SEMA4B: variants seen among roughly 807,000 people sequenced by gnomAD.
The protein encoded by SEMA4B is semaphorin-4B.
In SEMA4B, 55 loss-of-function variants were observed where a neutral mutation model predicts 88.1. The ratio of observed to expected loss-of-function variants is 0.62; its 90% CI spans 0.50 to 0.78. SEMA4B has a LOEUF of 0.78. Among genes scored for constraint, SEMA4B ranks in the 30% least tolerant of loss-of-function variants. SEMA4B has a pLI of 0.00. For missense variants in SEMA4B, 1,062 were observed against 1,111.9 expected, an observed-to-expected ratio of 0.96 and a Z score of 0.64; for synonymous variants, 525 against 473.6, an observed-to-expected ratio of 1.11 and a Z score of -1.41.
intron 4 of SEMA4B, 24 bp downstream of exon 4, chr15:90,219,915 G>GAGGAC: frequency 6.4e-7 from 1 of 1,561,050 alleles, no homozygotes; most frequent in Non-Finnish European, 8.8e-7. Context: ...CCTCAGCCCT[G>GAGGAC]AGGCTGACCT....
chr15:90,189,103 A>C (rs995690206), intron 1 of SEMA4B, among the ~76,000 whole-genome samples: 6 of 152,112 alleles, frequency 3.9e-5, no homozygotes, highest in African/African-American at 9.7e-5. Context: ...TATGTGTTGC[A>C]TGAATGAAAG....
intron 7 of SEMA4B, 106 bp from the exon 8 acceptor site, chr15:90,223,453 T>G (rs1286312036): frequency 2.0e-6 from 2 of 1,023,038 alleles, no homozygotes; most frequent in African/African-American, 1.6e-5. Flanking sequence ...TCTCCTGCCC[T>G]TCAGTCCTGG....
intron 1 of SEMA4B, among the ~76,000 whole-genome samples, chr15:90,187,698 G>A (rs900656202): frequency 6.6e-6 from 1 of 152,156 alleles, no homozygotes; most frequent in Non-Finnish European, 1.5e-5. Context: ...AAGCATAAGG[G>A]AGTGAAAGTG....
chr15:90,184,941 G>C (rs990953835), upstream of SEMA4B: 10 of 985,944 alleles, frequency 1.0e-5, no homozygotes, highest in African/African-American at 1.7e-4. Context: ...CGCCGCGCCG[G>C]ACTGAGGCTG....
intron 1 of SEMA4B, among the ~76,000 whole-genome samples, chr15:90,187,791 G>T (rs1470557203): frequency 6.6e-6 from 1 of 152,148 alleles, no homozygotes; most frequent in African/African-American, 2.4e-5. Context: ...CAGATCACGA[G>T]GTCAGGAGAT....
intron 4 of SEMA4B, 78 bp from the exon 5 acceptor site, chr15:90,220,904 C>A: frequency 1.1e-6 from 1 of 929,048 alleles, no homozygotes. Flanking sequence ...CCTTCTCCTG[C>A]ACGCCTCTCT....
At chr15:90,202,705 G>A (rs1419279285) in intron 1 of SEMA4B, among the ~76,000 whole-genome samples, 38 of 152,212 alleles carry the variant, frequency 2.5e-4, no homozygotes, top group Admixed American at 2.5e-3. Flanking sequence ...AAGTTTATAA[G>A]TGCCCAACAG....
chr15:90,221,900 A>T, intron 7 of SEMA4B, 135 bp downstream of exon 7: 1 of 699,602 alleles, frequency 1.4e-6, no homozygotes, highest in Non-Finnish European at 2.2e-6. Flanking sequence ...TTTCTCTCTC[A>T]CCTTTTAAAT....
At chr15:90,209,654 G>A (rs560474336) in intron 1 of SEMA4B, among the ~76,000 whole-genome samples, 4 of 152,240 alleles carry the variant, frequency 2.6e-5, no homozygotes, top group Middle Eastern at 3.4e-3. Context: ...TGTCACCAGT[G>A]CACTACAAGA....
chr15:90,227,493 G>A (rs1280105920), intron 12 of SEMA4B, 64 bp from the exon 13 acceptor site: 2 of 1,497,412 alleles, frequency 1.3e-6, no homozygotes, highest in Admixed American at 1.8e-5. Flanking sequence ...TCTGCAGTGA[G>A]GGGTGAGGGA....
intron 9 of SEMA4B, among the ~76,000 whole-genome samples, chr15:90,224,400 C>T (rs139409203): frequency 1.3e-5 from 2 of 152,294 alleles, no homozygotes; most frequent in African/African-American, 2.4e-5. Flanking sequence ...CAAGGATATA[C>T]GTGCCAAATA....
upstream of SEMA4B, among the ~76,000 whole-genome samples, chr15:90,199,094 G>C (rs1596123695): frequency 1.3e-5 from 2 of 152,220 alleles, no homozygotes; most frequent in South Asian, 4.2e-4. Flanking sequence ...GGCTGGTCTT[G>C]AACTCCTGAC....
intron 1 of SEMA4B, among the ~76,000 whole-genome samples, chr15:90,204,872 T>A (rs1039801406): frequency 6.6e-6 from 1 of 152,122 alleles, no homozygotes; most frequent in Non-Finnish European, 1.5e-5. Flanking sequence ...ACCTCCCAAG[T>A]TCAAGTGATT....
In SEMA4B at chr15:90,212,794, G is replaced by A. The variant is rs1961336592; in HGVS notation, c.158-4645G>A. On this transcript the variant is annotated intron_variant, in intron 1 of 13. Transcript: ENST00000411539. This position sits in a 1 kb window ranked among gnomAD's most constrained non-coding sequence, Gnocchi z 4.0. ...ACAGACCAGCTCGCGCCCACAACAC[G>A]AGCCTGTGACACGCAAGTCTCTGTT... Among the ~76,000 whole-genome samples, 1 of 152,152 alleles carries A rather than the reference G, an allele frequency of 6.6e-6. No individual in the cohort carries two copies. Among genetic ancestry groups the A allele is most frequent in the South Asian group, 2.1e-4 (1 of 4,820 alleles).
At chr15:90,189,738 G>T (rs562261876) in intron 1 of SEMA4B, among the ~76,000 whole-genome samples, 1 of 152,228 alleles carries the variant, frequency 6.6e-6, no homozygotes, top group African/African-American at 2.4e-5. Context: ...TTTTGGCGGG[G>T]AGTGGGGGCT....
intron 1 of SEMA4B, among the ~76,000 whole-genome samples, chr15:90,186,106 G>A (rs1181970874): frequency 6.6e-6 from 1 of 151,626 alleles, no homozygotes; most frequent in Non-Finnish European, 1.5e-5. Context: ...GCTAATTTTT[G>A]TATTTTTAGT....
Position 90,217,797 on chromosome 15 carries a change from C to T in SEMA4B, c.352C>T (p.Gln118Ter), listed in dbSNP as rs1312537255. ...LLWGADAEKK[Q>*]QCSFKGKDPQ... ...TTGGGGTGCAGACGCAGAGAAGAAA[C>T]AGCAGTGCAGCTTCAAGGGCAAGGA... Residue 118 changes from glutamine to a stop codon, truncating the protein, a stop_gained, in exon 3 of 14, where the codon CAG becomes TAG. Transcript: ENST00000411539. LOFTEE classifies it high-confidence loss of function. 6.2e-7 allele frequency: 1 copy of T among 1,613,274 alleles called. No homozygotes were observed. Among genetic ancestry groups the T allele is most frequent in the Non-Finnish European group, 8.5e-7 (1 of 1,179,636 alleles).
At chr15:90,187,580 A>G (rs1960202194) in intron 1 of SEMA4B, among the ~76,000 whole-genome samples, 1 of 152,118 alleles carries the variant, frequency 6.6e-6, no homozygotes, top group Non-Finnish European at 1.5e-5. Context: ...TGCAGAGGGA[A>G]CTCGCAGGAG....
At chr15:90,193,081 A>G (rs1402640523) in intron 1 of SEMA4B, 3 of 152,314 alleles carry the variant, frequency 2.0e-5, no homozygotes, top group African/African-American at 7.2e-5. Context: ...GGCACGGAGG[A>G]AGCAGTGCTT....
Sources: allele counts gnomAD v4.1 joint callset (sites outside exome capture counted in the v4.1 genomes callset), GRCh38; gene constraint gnomAD v4.1.1; non-coding constraint Gnocchi (gnomAD v3.1); transcripts MANE v1.5; gene names NCBI Gene and HGNC (gene_info 2026-07-23, HGNC 2026-07-21).